Variants in CDYL2 observed in about 807,000 individuals in gnomAD.
CDYL2 encodes chromodomain Y-like protein 2.
In CDYL2, 23 loss-of-function variants were observed where a neutral mutation model predicts 49.4. The ratio of observed to expected loss-of-function variants is 0.47; its 90% CI spans 0.34 to 0.66. CDYL2 has a LOEUF of 0.66. CDYL2 is among the 30% of genes least tolerant of loss of function. CDYL2 has a pLI of 0.01. For missense variants in CDYL2, 678 were observed against 656.4 expected (o/e 1.03, Z -0.36); for synonymous variants, 360 against 268.8 (o/e 1.34, Z -3.32).
chr16:80,633,469 C>T (rs1335218771), intron 2 of CDYL2, among the ~76,000 whole-genome samples: 2 of 152,144 alleles, frequency 1.3e-5, no homozygotes, highest in East Asian at 1.9e-4. Context: ...AGGCCCTGTG[C>T]GGTCCTCTAC....
intron 1 of CDYL2, among the ~76,000 whole-genome samples, chr16:80,782,148 T>G (rs771855056): frequency 6.6e-6 from 1 of 151,428 alleles, no homozygotes; most frequent in Non-Finnish European, 1.5e-5. Context: ...TGAAGAAGGC[T>G]CAATGAGAAA....
In CDYL2 at chr16:80,600,784, T is replaced by A. The variant is rs1484290220; in HGVS notation, c.*3604A>T. On this transcript the variant is annotated 3_prime_UTR_variant, in exon 7 of 7. Coordinates refer to ENST00000570137, the MANE Select transcript of CDYL2 (RefSeq NM_152342.4). The stretch of plus-strand genomic sequence containing the variant: ...TTAATGGATGTGACTAAATTCCAAA[T>A]AAAAAAAAAGTTTACAAAATTTTTA... 1.3e-5 allele frequency: 2 copies of A among 151,192 alleles called. No individual in the cohort carries two copies. The highest frequency in any genetic ancestry group is 1.5e-5 in the Non-Finnish European group (1 of 67,782). 9.4% of individuals were successfully genotyped at this position (151,192 alleles called of 1,614,324 possible).
chr16:80,670,503 T>C (rs1220117011), intron 2 of CDYL2, among the ~76,000 whole-genome samples: 1 of 152,112 alleles, frequency 6.6e-6, no homozygotes, highest in Non-Finnish European at 1.5e-5. Context: ...CTCTTTCCTT[T>C]ATAAACTACC....
intron 4 of CDYL2, among the ~76,000 whole-genome samples, chr16:80,619,913 C>A (rs942588976): frequency 6.6e-6 from 1 of 152,282 alleles, no homozygotes; most frequent in South Asian, 2.1e-4. Context: ...CTGTGTGGCC[C>A]CTCCACAGAA....
At chr16:80,693,579 G>A (rs1910502229) in intron 1 of CDYL2, among the ~76,000 whole-genome samples, 2 of 152,108 alleles carry the variant, frequency 1.3e-5, no homozygotes, top group South Asian at 4.1e-4. Context: ...AAGTTCATCC[G>A]TATAACAGAA....
chr16:80,765,814 G>A (rs945652236), intron 1 of CDYL2, among the ~76,000 whole-genome samples: 1 of 141,900 alleles, frequency 7.0e-6, no homozygotes, highest in Admixed American at 7.1e-5. Flanking sequence ...GCTGAGGTGG[G>A]AGGATCTCTT....
chr16:80,723,995 G>C (rs1042056750), intron 1 of CDYL2, among the ~76,000 whole-genome samples: 5 of 149,308 alleles, frequency 3.3e-5, no homozygotes, highest in Admixed American at 3.3e-4. Flanking sequence ...AGCAAGGAGA[G>C]AAAGAGGAAG....
chr16:80,652,875 C>G (rs1413734527), intron 2 of CDYL2, among the ~76,000 whole-genome samples: 1 of 152,100 alleles, frequency 6.6e-6, no homozygotes, highest in Non-Finnish European at 1.5e-5. Flanking sequence ...ACTCTTTTTA[C>G]GACCATAAAA....
At chr16:80,635,485 A>C (rs747258322) in intron 2 of CDYL2, among the ~76,000 whole-genome samples, 20 of 152,200 alleles carry the variant, frequency 1.3e-4, no homozygotes, top group Non-Finnish European at 1.9e-4. Flanking sequence ...AGAATAAAAT[A>C]CTTAGGCATA....
chr16:80,619,639 C>T (rs952268323), intron 4 of CDYL2, among the ~76,000 whole-genome samples: 11 of 152,186 alleles, frequency 7.2e-5, no homozygotes, highest in African/African-American at 2.2e-4. Context: ...CCACGCAAAG[C>T]GCAAACTGTG....
intron 1 of CDYL2, among the ~76,000 whole-genome samples, chr16:80,744,485 A>C (rs1167999767): frequency 8.7e-6 from 1 of 114,440 alleles, no homozygotes; most frequent in East Asian, 3.6e-4. Context: ...TGATGACCAA[A>C]AGAAGGAAAA....
At chr16:80,769,113 C>T (rs1906822621) in intron 1 of CDYL2, among the ~76,000 whole-genome samples, 1 of 152,196 alleles carries the variant, frequency 6.6e-6, no homozygotes, top group South Asian at 2.1e-4. Context: ...CACAGTCCCC[C>T]AGTCCATGGG....
At chr16:80,659,260 A>T (rs953706927) in intron 2 of CDYL2, among the ~76,000 whole-genome samples, 1 of 152,248 alleles carries the variant, frequency 6.6e-6, no homozygotes, top group African/African-American at 2.4e-5. Context: ...AGCGTCATTA[A>T]AAACAATGGC....
At chr16:80,792,168 G>C (rs1356819286) in intron 1 of CDYL2, among the ~76,000 whole-genome samples, 1 of 152,176 alleles carries the variant, frequency 6.6e-6, no homozygotes, top group African/African-American at 2.4e-5. Context: ...AAGAGCCCAA[G>C]TGAAGTTAGA....
intron 1 of CDYL2, among the ~76,000 whole-genome samples, chr16:80,718,001 C>T (rs552264326): frequency 6.6e-6 from 1 of 152,302 alleles, no homozygotes; most frequent in South Asian, 2.1e-4. Flanking sequence ...CTGTCTCACG[C>T]TGGGTGCTTT....
intron 2 of CDYL2, among the ~76,000 whole-genome samples, chr16:80,633,599 A>C (rs1907674098): frequency 6.6e-6 from 1 of 152,200 alleles, no homozygotes; most frequent in African/African-American, 2.4e-5. Context: ...AATTATCAAT[A>C]AGAGCAAGAC....
chr16:80,703,550 C>T (rs1904316834), intron 1 of CDYL2, among the ~76,000 whole-genome samples: 1 of 152,160 alleles, frequency 6.6e-6, no homozygotes, highest in African/African-American at 2.4e-5. Flanking sequence ...GCCACTCTGC[C>T]CTTACAGCAG....
At chr16:80,635,490 G>A (rs199902804) in intron 2 of CDYL2, among the ~76,000 whole-genome samples, 3 of 151,992 alleles carry the variant, frequency 2.0e-5, no homozygotes, top group South Asian at 2.1e-4. Context: ...AAAATACTTA[G>A]GCATACAACT....
intron 6 of CDYL2, among the ~76,000 whole-genome samples, chr16:80,604,765 G>T (rs371474656): frequency 9.2e-5 from 14 of 152,320 alleles, no homozygotes; most frequent in African/African-American, 3.4e-4. Flanking sequence ...GGATGGCTCA[G>T]TGGGGCCCAT....
Sources: allele counts gnomAD v4.1 joint callset (sites outside exome capture counted in the v4.1 genomes callset), GRCh38; gene constraint gnomAD v4.1.1; transcripts MANE v1.5; gene names NCBI Gene and HGNC (gene_info 2026-07-23, HGNC 2026-07-21).